UBAP2: variants seen among roughly 807,000 people sequenced by gnomAD.
UBAP2 encodes ubiquitin-associated protein 2.
A neutral mutation model predicts 139.6 loss-of-function variants in UBAP2; 75 were observed. The observed-to-expected ratio is 0.54, with a 90% confidence interval of 0.45 to 0.65. UBAP2 has a LOEUF of 0.65. Among genes scored for constraint, UBAP2 ranks in the 30% least tolerant of loss-of-function variants. The probability of loss-of-function intolerance (pLI) is 0.00; values close to 1 mark genes in which losing one functional copy is unlikely to be tolerated. For missense variants in UBAP2, 1,368 were observed against 1,369.6 expected (o/e 1.00, Z 0.02); for synonymous variants, 526 against 526.2 (o/e 1.00, Z 0.01).
intron 18 of UBAP2, 27 bp from the exon 19 acceptor site, chr9:33,932,655 G>A (rs765184998): frequency 6.2e-6 from 10 of 1,612,602 alleles, no homozygotes; most frequent in East Asian, 2.2e-5. Context: ...AGCGCCGTAT[G>A]TCCACCTGAA....
At chr9:33,962,156 CAAT>C (rs1564032279) in intron 9 of UBAP2, among the ~76,000 whole-genome samples, 1 of 151,996 alleles carries the variant, frequency 6.6e-6, no homozygotes, top group East Asian at 1.9e-4. Context: ...AGGAGAAAAA[CAAT>C]GATGAAACAT....
chr9:34,005,345 G>GA (rs957027798), intron 2 of UBAP2, among the ~76,000 whole-genome samples: 2 of 146,256 alleles, frequency 1.4e-5, no homozygotes, highest in Non-Finnish European at 3.0e-5. Context: ...TGAGGTGTGA[G>GA]AATCGCTTGA....
Position 33,944,490 on chromosome 9 carries a change from G to A in UBAP2, c.1420C>T (p.Pro474Ser). The change falls in exon 14 of 29, where the codon CCC becomes TCC. Residue 474 changes from proline (P) to serine (S), a missense_variant. Physicochemically the swap from Pro to Ser is moderately conservative, Grantham distance 74. Transcript: ENST00000379238. ...TGCAAAAGCTTGTTCACAGTGGAGG[G>A]ACTGTCTCCAGGTGTTGATTCTCGA... ...KLRESTPGDS[P>S]STVNKLLQLP... 6.2e-7 allele frequency: 1 copy of A among 1,614,146 alleles called. No homozygotes were observed.
In UBAP2 at chr9:33,956,127, A is replaced by C; in HGVS notation, c.818T>G (p.Phe273Cys). Residue 273 changes from phenylalanine to cysteine, a missense_variant, in exon 11 of 29, where the codon TTC (phenylalanine) becomes TGC (cysteine). Transcript: ENST00000379238. ...CTCTGCTGGAGCAGATGAGGCAGTG[A>C]AGACCTTTGTTTCAGAAAGCTGTAT... ...WTEDLSETKV[F>C]TASSAPAENH... 1 of 1,613,804 alleles carries C rather than the reference A, an allele frequency of 6.2e-7. No individual in the cohort carries two copies. Among genetic ancestry groups the C allele is most frequent in the Non-Finnish European group, 8.5e-7 (1 of 1,179,888 alleles).
chr9:33,995,200 T>C (rs1426377840), intron 4 of UBAP2: 1 of 151,246 alleles, frequency 6.6e-6, no homozygotes, highest in Admixed American at 6.6e-5. Context: ...CTACTAAAAA[T>C]ACAAAAATTA....
chr9:34,013,594 C>T (rs1823963852), intron 2 of UBAP2, among the ~76,000 whole-genome samples: 1 of 151,940 alleles, frequency 6.6e-6, no homozygotes, highest in Non-Finnish European at 1.5e-5. Context: ...AACATCTTAC[C>T]GGCAGGGCGT....
In UBAP2 at chr9:33,973,069, T is replaced by C. The variant is rs190152918; in HGVS notation, c.575+114A>G. 17 of 904,216 alleles carry C rather than the reference T, an allele frequency of 1.9e-5. 1 individual carries two copies. In the Admixed American group the frequency reaches 3.1e-4, roughly 16 times the overall value. The allele number at this position is 904,216 out of a possible 1,614,324, so 56.0% of individuals were successfully genotyped here. A position where few individuals can be genotyped will look rare whatever the true frequency, so the allele number is the denominator to read the frequency against. On this transcript the variant is annotated intron_variant, in intron 7 of 28. Coordinates refer to ENST00000379238, the MANE Select transcript of UBAP2 (RefSeq NM_001370062.2). ...TCTTATTTGTAAATCTCTTTAAGTA[T>C]AGAAAACACTAGATTCACCATGATG...
At chr9:33,981,103 GATATATATATATATATAT>G (rs569105151) in intron 6 of UBAP2, among the ~76,000 whole-genome samples, 33 of 600 alleles carry the variant, frequency 0.055, 6 homozygotes, top group Admixed American at 0.17. Context: ...ATATATTCTG[GATATATATATATATATAT>G]ATATATATAT....
intron 1 of UBAP2, among the ~76,000 whole-genome samples, chr9:34,027,091 C>A (rs1430670916): frequency 2.0e-5 from 3 of 152,104 alleles, no homozygotes; most frequent in African/African-American, 7.3e-5. Context: ...TCTGTGTTCC[C>A]GCATTTTCTA....
chr9:33,957,866 TAA>T (rs1826699523), intron 10 of UBAP2, among the ~76,000 whole-genome samples: 1 of 151,996 alleles, frequency 6.6e-6, no homozygotes, highest in South Asian at 2.1e-4. Context: ...TTCAACAATA[TAA>T]AAGTGCTAAA....
At chr9:33,927,187 C>A in intron 20 of UBAP2, 107 bp from the exon 21 acceptor site, 1 of 790,086 alleles carries the variant, frequency 1.3e-6, no homozygotes. Flanking sequence ...CAGATGGGTT[C>A]AAAGAAGGGC....
intron 19 of UBAP2, among the ~76,000 whole-genome samples, chr9:33,930,194 G>GT (rs1307342605): frequency 1.3e-5 from 2 of 152,140 alleles, no homozygotes; most frequent in African/African-American, 4.8e-5. Flanking sequence ...ATGCCATGGT[G>GT]TAATAGGATA....
At chr9:33,924,714 G>A (rs1823269067) in intron 22 of UBAP2, among the ~76,000 whole-genome samples, 1 of 152,140 alleles carries the variant, frequency 6.6e-6, no homozygotes, top group African/African-American at 2.4e-5. Context: ...GGGGACAGGG[G>A]GCAGTGCCAG....
rs745697994 is a variant in UBAP2 at position 33,933,649 on chromosome 9, G to GT, written c.1970-22dup. The GT allele has an allele frequency of 3.7e-6, 6 of 1,612,622 alleles. No homozygotes were observed. In the South Asian group the frequency reaches 6.6e-5, roughly 18 times the overall value. ...TGGAGCTGGAACAGATGAAGTAGCT[G>GT]TAAGAAGCAGATCTGTTTATTTCTA... On this transcript the variant is annotated intron_variant, in intron 17 of 28. Coordinates refer to ENST00000379238, the MANE Select transcript of UBAP2 (RefSeq NM_001370062.2).
intron 16 of UBAP2, among the ~76,000 whole-genome samples, chr9:33,936,778 A>G (rs1391555158): frequency 6.6e-6 from 1 of 152,132 alleles, no homozygotes; most frequent in African/African-American, 2.4e-5. Context: ...GATGAAATGG[A>G]CAAATTCCTT....
At chr9:34,021,264 C>T (rs1326669522) in intron 1 of UBAP2, among the ~76,000 whole-genome samples, 1 of 152,184 alleles carries the variant, frequency 6.6e-6, no homozygotes, top group African/African-American at 2.4e-5. Context: ...CATTAACTGG[C>T]TTGCTAAAGG....
chr9:34,014,773 CA>C (rs11465085), intron 2 of UBAP2, among the ~76,000 whole-genome samples: 9,429 of 126,084 alleles, frequency 0.075, 379 homozygotes, highest in Non-Finnish European at 0.11. Flanking sequence ...GACTCCGTCT[CA>C]AAAAAAAAAA....
chr9:33,997,267 C>G (rs1184842151), intron 3 of UBAP2: 1 of 152,194 alleles, frequency 6.6e-6, no homozygotes, highest in African/African-American at 2.4e-5. Flanking sequence ...AGAACGATCA[C>G]AGACTAGGCA....
rs1477160320 is a variant in UBAP2 at position 34,038,926 on chromosome 9, C to T, written c.-42+9899G>A. Among the ~76,000 whole-genome samples, 26 of 130,386 alleles carry T rather than the reference C, an allele frequency of 2.0e-4. 1 individual carries two copies. The highest frequency in any genetic ancestry group is 6.5e-4 in the African/African-American group (26 of 39,744). 85.5% of individuals were successfully genotyped at this position (130,386 alleles called of 152,430 possible). A position where few individuals can be genotyped will look rare whatever the true frequency, so the allele number is the denominator to read the frequency against. On this transcript the variant is annotated intron_variant, in intron 1 of 28. Coordinates refer to ENST00000379238, the MANE Select transcript of UBAP2 (RefSeq NM_001370062.2). ...TCTGGGATGTGGGGAGCGCCTCTGC[C>T]CCGCCACCCCATCTGGGATGTGAGG...
Sources: allele counts gnomAD v4.1 joint callset (sites outside exome capture counted in the v4.1 genomes callset), GRCh38; gene constraint gnomAD v4.1.1; transcripts MANE v1.5; gene names NCBI Gene and HGNC (gene_info 2026-07-23, HGNC 2026-07-21).